The following NLGN4Y variants were observed in gnomAD, a reference collection of about 807,000 sequenced individuals.
The protein encoded by NLGN4Y is neuroligin-4, Y-linked.
Under a neutral mutation model 8.4 loss-of-function variants are expected in NLGN4Y, and 4 were observed. The observed-to-expected ratio is 0.48, with a 90% CI of 0.23 to 1.09. NLGN4Y has a LOEUF of 1.09. Ranked by LOEUF, NLGN4Y falls within the 50% of genes least tolerant of loss-of-function variation. The pLI is 0.19. For synonymous variants in NLGN4Y, 35 were observed against 75.6 expected, an observed-to-expected ratio of 0.46 and a Z score of 2.78; for missense variants, 90 against 192.3, an observed-to-expected ratio of 0.47 and a Z score of 3.15.
intron 6 of NLGN4Y, among the ~76,000 whole-genome samples, chrY:14,837,318 T>G: frequency 3.0e-5 from 1 of 33,592 alleles, no homozygotes; most frequent in Non-Finnish European, 7.4e-5. Context: ...TTCATGGATA[T>G]TTTTAGAGAG....
chrY:14,525,891 A>G (rs994609884), intron 1 of NLGN4Y, among the ~76,000 whole-genome samples: 12 of 33,183 alleles, frequency 3.6e-4, no homozygotes, highest in Non-Finnish European at 8.1e-4. Context: ...TAAACAAAAT[A>G]AGAAGTTTAG....
At chrY:14,694,797 T>C in intron 2 of NLGN4Y, among the ~76,000 whole-genome samples, 1 of 34,271 alleles carries the variant, frequency 2.9e-5, no homozygotes, top group Non-Finnish European at 7.3e-5. Flanking sequence ...TACATGCCAT[T>C]TGAGGATGCA....
chrY:14,627,442 G>A (rs2080532687), intron 2 of NLGN4Y, among the ~76,000 whole-genome samples: 1 of 34,251 alleles, frequency 2.9e-5, no homozygotes, highest in Non-Finnish European at 7.4e-5. Flanking sequence ...CTGTCCCACA[G>A]GGAGGTGGCT....
chrY:14,678,502 T>C, intron 2 of NLGN4Y, among the ~76,000 whole-genome samples: 1 of 33,396 alleles, frequency 3.0e-5, no homozygotes, highest in African/African-American at 1.2e-4. Context: ...ATGAGTTTGG[T>C]TTCTAGCTTT....
chrY:14,688,961 C>A (rs2080800868), intron 2 of NLGN4Y, among the ~76,000 whole-genome samples: 1 of 28,323 alleles, frequency 3.5e-5, no homozygotes, highest in African/African-American at 1.4e-4. Context: ...ATATTAATAT[C>A]AATTAGTTAA....
At chrY:14,613,675 G>A in intron 1 of NLGN4Y, among the ~76,000 whole-genome samples, 1 of 33,539 alleles carries the variant, frequency 3.0e-5, no homozygotes, top group Non-Finnish European at 7.4e-5. Flanking sequence ...ACCTATGAAT[G>A]AGAACATGTG....
chrY:14,601,526 G>T, intron 1 of NLGN4Y, among the ~76,000 whole-genome samples: 1 of 33,103 alleles, frequency 3.0e-5, no homozygotes, highest in Non-Finnish European at 7.4e-5. Context: ...CTTTCCTACT[G>T]CAGAGAAGGA....
At chrY:14,671,647 G>C in intron 2 of NLGN4Y, among the ~76,000 whole-genome samples, 1 of 31,929 alleles carries the variant, frequency 3.1e-5, no homozygotes, top group East Asian at 8.4e-4. Context: ...GGGAGTTTGA[G>C]ACCAATCTGA....
At chrY:14,639,259 C>A in intron 2 of NLGN4Y, 1 of 193,443 alleles carries the variant, frequency 5.2e-6, no homozygotes, top group Non-Finnish European at 9.5e-6. Context: ...CAACTCATTT[C>A]TCCAAATGCA....
At chrY:14,736,118 G>A (rs776124967) in intron 4 of NLGN4Y, among the ~76,000 whole-genome samples, 1 of 33,062 alleles carries the variant, frequency 3.0e-5, no homozygotes, top group African/African-American at 1.2e-4. Context: ...GGTGTTGAAG[G>A]GTGTATGCAG....
At chrY:14,724,988 A>G (rs2080951056) in intron 4 of NLGN4Y, among the ~76,000 whole-genome samples, 2 of 33,150 alleles carry the variant, frequency 6.0e-5, no homozygotes, top group Admixed American at 5.6e-4. Context: ...GGTTTATCCT[A>G]AATTCAGGAT....
intron 1 of NLGN4Y, among the ~76,000 whole-genome samples, chrY:14,592,241 G>C (rs758744169): frequency 6.1e-5 from 2 of 32,931 alleles, no homozygotes; most frequent in Admixed American, 5.6e-4. Flanking sequence ...TTAGAGGTAG[G>C]AGTAAATTAC....
At chrY:14,768,812 T>A in intron 4 of NLGN4Y, among the ~76,000 whole-genome samples, 1 of 33,980 alleles carries the variant, frequency 2.9e-5, no homozygotes, top group Non-Finnish European at 7.3e-5. Flanking sequence ...AAAAGATGCA[T>A]GACAGATAAT....
At chrY:14,639,517 A>C in intron 2 of NLGN4Y, 1 of 221,425 alleles carries the variant, frequency 4.5e-6, no homozygotes. Context: ...AGAACAGATG[A>C]GGCTACCTTC....
chrY:14,829,447 G>A (rs2043162359), intron 5 of NLGN4Y, among the ~76,000 whole-genome samples: 1 of 33,246 alleles, frequency 3.0e-5, no homozygotes, highest in South Asian at 6.6e-4. Context: ...AAGAAAAAAA[G>A]AAATCACATG....
At position 14,824,277 on chromosome Y, in the gene NLGN4Y, G is replaced by A; in HGVS notation, c.775G>A (p.Gly259Arg). ...QALRWIEENVGAFGGDPKRVT... is the reference protein window; with the variant it reads ...QALRWIEENVRAFGGDPKRVT... ...ACTGAGGTGGATTGAGGAGAATGTCGGAGCCTTTGGCGGGGACCCCAAGAG... is the reference window on the plus strand; with the variant it reads ...ACTGAGGTGGATTGAGGAGAATGTCAGAGCCTTTGGCGGGGACCCCAAGAG... The change falls in exon 5 of 7, where the codon GGA (glycine) becomes AGA (arginine). Residue 259 changes from glycine (G) to arginine (R), a missense_variant. Coordinates refer to ENST00000684976, the MANE Select transcript of NLGN4Y (RefSeq NM_001365588.1). The A allele has an allele frequency of 5.0e-6, 2 of 398,450 alleles. No individual in the cohort carries two copies. The highest frequency in any genetic ancestry group is 7.1e-6 in the Non-Finnish European group (2 of 283,443).
At chrY:14,665,568 A>C in intron 2 of NLGN4Y, among the ~76,000 whole-genome samples, 1 of 33,280 alleles carries the variant, frequency 3.0e-5, no homozygotes, top group Non-Finnish European at 7.4e-5. Flanking sequence ...ATGAGGATAC[A>C]TATTGATACT....
intron 1 of NLGN4Y, among the ~76,000 whole-genome samples, chrY:14,545,140 A>T: frequency 3.0e-5 from 1 of 33,214 alleles, no homozygotes; most frequent in African/African-American, 1.2e-4. Context: ...ATAGTATTCC[A>T]TGGTGTATAT....
At chrY:14,548,515 T>C in intron 1 of NLGN4Y, among the ~76,000 whole-genome samples, 1 of 33,981 alleles carries the variant, frequency 2.9e-5, no homozygotes, top group Non-Finnish European at 7.3e-5. Context: ...AATAAAACTT[T>C]CTTAACCATT....
Sources: gnomAD v4.1 joint callset for allele counts (sites outside exome capture counted in the v4.1 genomes callset) on GRCh38, gnomAD v4.1.1 for gene constraint, MANE v1.5 for transcripts, NCBI Gene and HGNC (gene_info 2026-07-23, HGNC 2026-07-21) for gene names.